The following CACNA2D4 variants were observed in gnomAD, a reference collection of about 807,000 sequenced individuals.
The protein encoded by CACNA2D4 is voltage-dependent calcium channel subunit alpha-2/delta-4.
Under a neutral mutation model 163.8 loss-of-function variants are expected in CACNA2D4, and 157 were observed. The observed-to-expected ratio is 0.96, with a 90% confidence interval of 0.84 to 1.09. The LOEUF is 1.09. Among genes scored for constraint, CACNA2D4 ranks in the 50% least tolerant of loss-of-function variants. The pLI is 0.00. For missense variants in CACNA2D4, 1,410 were observed against 1,479.9 expected, an observed-to-expected ratio of 0.95 and a Z score of 0.78; for synonymous variants, 598 against 586.9, an observed-to-expected ratio of 1.02 and a Z score of -0.27.
intron 3 of CACNA2D4, among the ~76,000 whole-genome samples, chr12:1,912,688 G>A (rs146596620): frequency 1.3e-3 from 204 of 152,272 alleles, no homozygotes; most frequent in South Asian, 9.1e-3. Context: ...TGCTCACCCC[G>A]TGCAGTGCTC....
intron 32 of CACNA2D4, 26 bp downstream of exon 32, chr12:1,800,360 C>T (rs1292047250): frequency 3.3e-5 from 54 of 1,613,040 alleles, no homozygotes; most frequent in Non-Finnish European, 4.5e-5. Flanking sequence ...CAGCCCTCCA[C>T]CAGCCCCGTG....
chr12:1,852,885 A>G (rs563434603), intron 23 of CACNA2D4, among the ~76,000 whole-genome samples: 2 of 152,200 alleles, frequency 1.3e-5, no homozygotes, highest in African/African-American at 4.8e-5. Flanking sequence ...TGATCTCGCT[A>G]TGCTTTGTTT....
At position 1,918,477 on chromosome 12, in the gene CACNA2D4, C is replaced by T. The variant is rs1284062624; in HGVS notation, c.-4G>A. 1 of 1,552,478 alleles carries T rather than the reference C, an allele frequency of 6.4e-7. No individual in the cohort carries two copies. Among genetic ancestry groups the T allele is most frequent in the Non-Finnish European group, 8.7e-7 (1 of 1,148,036 alleles). ...GGGCAGAGCAGCCACAGACCATGAG[C>T]TCTGTCTGCCTTCCTCCCAGACCCC... is the stretch of plus-strand genomic sequence containing the variant. On this transcript the variant is annotated 5_prime_UTR_variant, in exon 1 of 38. Coordinates refer to ENST00000382722, the MANE Select transcript of CACNA2D4 (RefSeq NM_172364.5).
In CACNA2D4 at chr12:1,851,951, C is replaced by T. The variant is rs573276346; in HGVS notation, c.2246+2000G>A. Among the ~76,000 whole-genome samples, 15 of 151,840 alleles carry T rather than the reference C, an allele frequency of 9.9e-5. No homozygotes were observed. The East Asian group carries it at 1.9e-3, about 20-fold the overall frequency. ...TTTGAACAGTTCTTATAGTTTATGT[C>T]GTATGTTCTTGTAGTCTTATAACTT... is the stretch of plus-strand genomic sequence containing the variant. On this transcript the variant is annotated intron_variant, in intron 23 of 37. Transcript: ENST00000382722.
At chr12:1,866,771 C>T (rs886931372) in intron 18 of CACNA2D4, among the ~76,000 whole-genome samples, 4 of 150,440 alleles carry the variant, frequency 2.7e-5, no homozygotes, top group African/African-American at 9.8e-5. Flanking sequence ...CAAGTGCATG[C>T]CACCACACCT....
intron 6 of CACNA2D4, among the ~76,000 whole-genome samples, chr12:1,898,389 C>T (rs760339401): frequency 1.1e-4 from 16 of 152,068 alleles, no homozygotes; most frequent in Non-Finnish European, 2.1e-4. Context: ...ACAACAACAA[C>T]AACAACACCT....
rs551054828 is a variant in CACNA2D4 at position 1,881,667 on chromosome 12, T to C, written c.1485+1200A>G. On this transcript the variant is annotated intron_variant, in intron 13 of 37. Transcript: ENST00000382722. ...CTTCTCCCCACCCACCTCTCTCTCA[T>C]CAAACCTGGACACTCAGGGCCCTAT... Among the ~76,000 whole-genome samples the C allele has an allele frequency of 2.0e-5, 3 of 152,288 alleles. No homozygotes were observed. In the East Asian group the frequency reaches 5.8e-4, roughly 29 times the overall value.
chr12:1,839,881 G>C (rs773248754), intron 26 of CACNA2D4, among the ~76,000 whole-genome samples: 5 of 152,202 alleles, frequency 3.3e-5, no homozygotes, highest in Non-Finnish European at 7.4e-5. Flanking sequence ...GACAGGTCTG[G>C]ACTGAATTAT....
chr12:1,913,111 T>C lies in CACNA2D4; in HGVS notation c.338A>G (p.Lys113Arg). The C allele has an allele frequency of 6.2e-7, 1 of 1,613,642 alleles. No individual in the cohort carries two copies. Among genetic ancestry groups the C allele is most frequent in the Non-Finnish European group, 8.5e-7 (1 of 1,179,576 alleles). Residue 113 changes from lysine (K) to arginine (R), a missense_variant, in exon 3 of 38, where the codon AAG (lysine) becomes AGG (arginine). Physicochemically the swap from Lys to Arg is conservative, Grantham distance 26. Coordinates refer to ENST00000382722, the MANE Select transcript of CACNA2D4 (RefSeq NM_172364.5). ...KKYKDVESSL[K>R]IEEVDGLELV... ...CTCCAAGCCATCCACCTCCTCGATCTTCAGACTGGACTCCACATCCTTGTA... is the reference window on the plus strand; with the variant it reads ...CTCCAAGCCATCCACCTCCTCGATCCTCAGACTGGACTCCACATCCTTGTA...
chr12:1,889,308 T>C (rs1866223401), intron 6 of CACNA2D4, among the ~76,000 whole-genome samples: 1 of 152,168 alleles, frequency 6.6e-6, no homozygotes, highest in African/African-American at 2.4e-5. Flanking sequence ...AATAAAATGG[T>C]AAATAAGTCA....
chr12:1,893,308 G>T (rs552782861), intron 6 of CACNA2D4, among the ~76,000 whole-genome samples: 1 of 152,096 alleles, frequency 6.6e-6, no homozygotes, highest in South Asian at 2.1e-4. Flanking sequence ...ACGAGGTCAG[G>T]AGTTGAAGAT....
rs770007640 is a variant in CACNA2D4 at position 1,878,329 on chromosome 12, C to T, written c.1705G>A (p.Asp569Asn). 8.7e-6 allele frequency: 14 copies of T among 1,609,422 alleles called. No homozygotes were observed. Among genetic ancestry groups the T allele is most frequent in the East Asian group, 2.2e-5 (1 of 44,764 alleles). ...TCTGTACCTACCAGGGGCCGGAGGT[C>T]GGGATGGGAGAGGATGTAGCCATTG... The part of the protein sequence containing the change: ...TNNGYILSHP[D>N]LRPLYREGKK... Residue 569 changes from aspartate to asparagine, a missense_variant, in exon 16 of 38, where the codon GAC becomes AAC. Asp to Asn is a conservative substitution (Grantham distance 23). Coordinates refer to ENST00000382722, the MANE Select transcript of CACNA2D4 (RefSeq NM_172364.5). This position sits in a 1 kb window ranked among gnomAD's most constrained non-coding sequence, Gnocchi z 4.6.
rs1326463238 is a variant in CACNA2D4 at position 1,917,626 on chromosome 12, T to C, written c.227+621A>G. On this transcript the variant is annotated intron_variant, in intron 1 of 37. Transcript: ENST00000382722. The surrounding 1 kb of genome is among the most constrained non-coding windows in gnomAD (Gnocchi z 4.3). ...ACAGTAATTTACATGTACACCAAGG[T>C]GCACATGACTGATACCGGGTTCTTT... Among the ~76,000 whole-genome samples, 1 of 152,142 alleles carries C rather than the reference T, an allele frequency of 6.6e-6. No individual in the cohort carries two copies. The highest frequency in any genetic ancestry group is 1.5e-5 in the Non-Finnish European group (1 of 68,030).
Position 1,830,910 on chromosome 12 carries a change from TC to T in CACNA2D4, c.2551+9828del, listed in dbSNP as rs755121377. ...TGGTGACCCGTCCTATTGCTTTCTTTCCCCCGTCTGTCCCTCCCACCAAGGG... is the reference window on the plus strand; with the variant it reads ...TGGTGACCCGTCCTATTGCTTTCTTTCCCCGTCTGTCCCTCCCACCAAGGG... On this transcript the variant is annotated intron_variant, in intron 26 of 37. Coordinates refer to ENST00000382722, the MANE Select transcript of CACNA2D4 (RefSeq NM_172364.5). 3.8e-6 allele frequency: 6 copies of T among 1,566,648 alleles called. No individual in the cohort carries two copies. The South Asian group carries it at 7.0e-5, about 18-fold the overall frequency.
chr12:1,859,999 T>A, intron 19 of CACNA2D4, 146 bp downstream of exon 19: 1 of 647,226 alleles, frequency 1.5e-6, no homozygotes, highest in South Asian at 1.8e-5. Context: ...CATTCTAGGC[T>A]ACACTGGCAA....
intron 30 of CACNA2D4, among the ~76,000 whole-genome samples, 187 bp from the exon 31 acceptor site, chr12:1,801,305 T>C (rs937556000): frequency 9.9e-5 from 15 of 152,204 alleles, no homozygotes; most frequent in African/African-American, 3.6e-4. Context: ...TTAAAGACAA[T>C]GAAGAGCAAA....
chr12:1,851,493 A>G (rs1179646243), intron 23 of CACNA2D4, among the ~76,000 whole-genome samples: 6 of 152,186 alleles, frequency 3.9e-5, no homozygotes, highest in South Asian at 2.1e-4. Flanking sequence ...AAATTTTCAC[A>G]TGCATTTAGA....
rs1369238723 is a variant in CACNA2D4 at position 1,834,531 on chromosome 12, T to C, written c.2551+6208A>G. ...CGGCCGGCGAGCGTGAGGCGAGCCA[T>C]GGGCACGGTGATCATTGCAGGGGTC... On this transcript the variant is annotated intron_variant, in intron 26 of 37. Transcript: ENST00000382722. The surrounding 1 kb of genome is among the most constrained non-coding windows in gnomAD (Gnocchi z 7.6). 3 of 1,604,956 alleles carry C rather than the reference T, an allele frequency of 1.9e-6. No individual in the cohort carries two copies. The highest frequency in any genetic ancestry group is 2.5e-6 in the Non-Finnish European group (3 of 1,179,894).
chr12:1,834,133 G>C lies in CACNA2D4; in HGVS notation c.2551+6606C>G, dbSNP rs1864747657. The C allele has an allele frequency of 5.9e-6, 6 of 1,016,280 alleles. No homozygotes were observed. Among genetic ancestry groups the C allele is most frequent in the African/African-American group, 3.2e-5 (2 of 61,852 alleles). 63.0% of individuals were successfully genotyped at this position (1,016,280 alleles called of 1,614,324 possible). ...CTCCTCCGCTTCCTCTTCTATAGAT[G>C]GTGATTCCAGGATTGACTACATTGC... is the stretch of plus-strand genomic sequence containing the variant. On this transcript the variant is annotated intron_variant, in intron 26 of 37. Coordinates refer to ENST00000382722, the MANE Select transcript of CACNA2D4 (RefSeq NM_172364.5). This position sits in a 1 kb window ranked among gnomAD's most constrained non-coding sequence, Gnocchi z 7.6.
Sources: gnomAD v4.1 joint callset for allele counts (sites outside exome capture counted in the v4.1 genomes callset) on GRCh38, gnomAD v4.1.1 for gene constraint, Gnocchi (gnomAD v3.1) non-coding constraint, MANE v1.5 for transcripts, NCBI Gene and HGNC (gene_info 2026-07-23, HGNC 2026-07-21) for gene names.